Variants in IQCH observed in about 807,000 individuals in gnomAD.
IQCH encodes the protein IQ motif containing H.
IQCH carries 98 observed loss-of-function variants against 117.0 expected under a neutral mutation model. That is an observed-to-expected ratio of 0.84 (90% CI 0.71 to 0.99). The LOEUF (loss-of-function observed/expected upper bound fraction) is 0.99, where lower values mean the gene tolerates loss of function less well. Ranked by LOEUF, IQCH falls within the 50% of genes least tolerant of loss-of-function variation. The probability of loss-of-function intolerance (pLI) is 0.00; values close to 1 mark genes in which losing one functional copy is unlikely to be tolerated. For synonymous variants in IQCH, 412 were observed against 448.2 expected, an observed-to-expected ratio of 0.92 and a Z score of 1.02; for missense variants, 1,102 against 1,243.8, an observed-to-expected ratio of 0.89 and a Z score of 1.72.
In IQCH at chr15:67,408,067, C is replaced by G. The variant is rs2140885535; in HGVS notation, c.2097+7762C>G. ...GTGAGGCGCTATCGCCGCTTCAGCT[C>G]CAGGGTTGGCGGCCATATGGATCCC... On this transcript the variant is annotated intron_variant, in intron 14 of 20. Transcript: ENST00000335894. The surrounding 1 kb of genome is among the most constrained non-coding windows in gnomAD (Gnocchi z 4.2). The G allele has an allele frequency of 6.6e-6, 1 of 152,330 alleles. No individual in the cohort carries two copies. Among genetic ancestry groups the G allele is most frequent in the East Asian group, 1.9e-4 (1 of 5,190 alleles). 9.4% of individuals were successfully genotyped at this position (152,330 alleles called of 1,614,324 possible).
intron 13 of IQCH, among the ~76,000 whole-genome samples, chr15:67,397,307 AT>A (rs1209281145): frequency 6.6e-6 from 1 of 152,222 alleles, no homozygotes; most frequent in Non-Finnish European, 1.5e-5. Flanking sequence ...ATGCAGGCAC[AT>A]TTAATGCAGT....
Position 67,261,397 on chromosome 15 carries a change from A to C in IQCH, c.174+3A>C, listed in dbSNP as rs776238090. The stretch of plus-strand genomic sequence containing the variant: ...AAAGGACTGAAGTGGGGTTAAGAGT[A>C]AGTAGAGCTTTAGATATTAAAATAC... On this transcript the variant is annotated splice_donor_region_variant and intron_variant, in intron 2 of 20. Coordinates refer to ENST00000335894, the MANE Select transcript of IQCH (RefSeq NM_001031715.3). 1 of 1,582,800 alleles carries C rather than the reference A, an allele frequency of 6.3e-7. No individual in the cohort carries two copies. The highest frequency in any genetic ancestry group is 8.5e-7 in the Non-Finnish European group (1 of 1,170,748).
At chr15:67,428,228 CTT>C (rs1490558426) in intron 16 of IQCH, among the ~76,000 whole-genome samples, 2 of 151,942 alleles carry the variant, frequency 1.3e-5, no homozygotes, top group Admixed American at 6.5e-5. Context: ...TAACAGGAAA[CTT>C]TATAGAATAG....
chr15:67,453,638 G>A lies in IQCH; in HGVS notation c.2506-11489G>A, dbSNP rs543570883. ...TGTAAGGTGTCAGTCCGCCCCTACTGGGGGGTGCCTCCCAGTTAGGCTACT... is the reference window on the plus strand; with the variant it reads ...TGTAAGGTGTCAGTCCGCCCCTACTAGGGGGTGCCTCCCAGTTAGGCTACT... On this transcript the variant is annotated intron_variant, in intron 16 of 20. Transcript: ENST00000335894. The surrounding 1 kb of genome is among the most constrained non-coding windows in gnomAD (Gnocchi z 5.8). Among the ~76,000 whole-genome samples, 46 of 152,290 alleles carry A rather than the reference G, an allele frequency of 3.0e-4. No individual in the cohort carries two copies. Among genetic ancestry groups the A allele is most frequent in the African/African-American group, 1.0e-3 (42 of 41,566 alleles).
chr15:67,481,535 G>T lies in IQCH; in HGVS notation c.2799+5717G>T, dbSNP rs568732488. Among the ~76,000 whole-genome samples the T allele has an allele frequency of 1.1e-3, 168 of 152,200 alleles. No individual in the cohort carries two copies. Among genetic ancestry groups the T allele is most frequent in the Admixed American group, 2.5e-3 (39 of 15,298 alleles). On this transcript the variant is annotated intron_variant, in intron 18 of 20. Coordinates refer to ENST00000335894, the MANE Select transcript of IQCH (RefSeq NM_001031715.3). This position sits in a 1 kb window ranked among gnomAD's most constrained non-coding sequence, Gnocchi z 4.1. ...GAGAACTACATTAAAAATAAAATTT[G>T]GGTGGGGACACAGCCAAACCATATC... is the stretch of plus-strand genomic sequence containing the variant.
At position 67,359,813 on chromosome 15, in the gene IQCH, T is replaced by C; in HGVS notation, c.715-34T>C. ...TTGTAAAATTGCCCATGAGAGTCGTTTTGATTTAAACTGTGTCTCATTCTT... is the reference window on the plus strand; with the variant it reads ...TTGTAAAATTGCCCATGAGAGTCGTCTTGATTTAAACTGTGTCTCATTCTT... On this transcript the variant is annotated intron_variant, in intron 7 of 20. Transcript: ENST00000335894. The surrounding 1 kb of genome is among the most constrained non-coding windows in gnomAD (Gnocchi z 4.5). 9.2e-7 allele frequency: 1 copy of C among 1,090,848 alleles called. No homozygotes were observed. Among genetic ancestry groups the C allele is most frequent in the Non-Finnish European group, 1.4e-6 (1 of 736,860 alleles). The allele number at this position is 1,090,848 out of a possible 1,614,324, so 67.6% of individuals were successfully genotyped here.
At chr15:67,409,123 AGTAGT>A (rs2081378596) in intron 14 of IQCH, among the ~76,000 whole-genome samples, 1 of 152,068 alleles carries the variant, frequency 6.6e-6, no homozygotes. Flanking sequence ...TAATTCTGGG[AGTAGT>A]GTAAACAACT....
At position 67,387,564 on chromosome 15, in the gene IQCH, C is replaced by T. The variant is rs368960270; in HGVS notation, c.1457-1267C>T. On this transcript the variant is annotated intron_variant, in intron 11 of 20. Coordinates refer to ENST00000335894, the MANE Select transcript of IQCH (RefSeq NM_001031715.3). The surrounding 1 kb of genome is among the most constrained non-coding windows in gnomAD (Gnocchi z 4.8). ...CAGAGAACACTACTTCATGTTAAAT[C>T]TTGCACTGATCAAAAGGAATGTAGG... Among the ~76,000 whole-genome samples, 22 of 152,196 alleles carry T rather than the reference C, an allele frequency of 1.4e-4. No individual in the cohort carries two copies. The highest frequency in any genetic ancestry group is 5.3e-4 in the African/African-American group (22 of 41,528).
At chr15:67,305,875 A>G (rs549910916) in intron 4 of IQCH, among the ~76,000 whole-genome samples, 7 of 152,104 alleles carry the variant, frequency 4.6e-5, no homozygotes, top group Admixed American at 6.6e-5. Flanking sequence ...TATTTTTCCA[A>G]TTTCCAAATA....
chr15:67,270,911 TG>T (rs1965870327), intron 3 of IQCH, among the ~76,000 whole-genome samples: 2 of 152,224 alleles, frequency 1.3e-5, no homozygotes, highest in Non-Finnish European at 2.9e-5. Context: ...TTTTTGTTCT[TG>T]ATTCTGTTAA....
rs1456936694 is a variant in IQCH, at chr15:67,481,819, G to A, written c.2799+6001G>A. On this transcript the variant is annotated intron_variant, in intron 18 of 20. Coordinates refer to ENST00000335894, the MANE Select transcript of IQCH (RefSeq NM_001031715.3). The surrounding 1 kb of genome is among the most constrained non-coding windows in gnomAD (Gnocchi z 4.1). ...TTAGAAACCAACTAAGTTCTTGAAA[G>A]AACTCAACATCAAGAGAAATCTCAG... Among the ~76,000 whole-genome samples, 1 of 152,226 alleles carries A rather than the reference G, an allele frequency of 6.6e-6. No individual in the cohort carries two copies. Among genetic ancestry groups the A allele is most frequent in the Non-Finnish European group, 1.5e-5 (1 of 68,034 alleles).
At position 67,490,274 on chromosome 15, in the gene IQCH, CA is replaced by C. The variant is rs1433222137; in HGVS notation, c.2861+211del. On this transcript the variant is annotated intron_variant, in intron 19 of 20. Transcript: ENST00000335894. This position sits in a 1 kb window ranked among gnomAD's most constrained non-coding sequence, Gnocchi z 4.9. ...AGGCTGGAGTGCAGTGGCGCGATCT[CA>C]GCTCACTGCAACCTCCACCTCCCGG... Among the ~76,000 whole-genome samples, 2 of 152,096 alleles carry C rather than the reference CA, an allele frequency of 1.3e-5. No individual in the cohort carries two copies. Among genetic ancestry groups the C allele is most frequent in the Non-Finnish European group, 2.9e-5 (2 of 68,010 alleles).
At chr15:67,271,254 C>A (rs1414118464) in intron 3 of IQCH, among the ~76,000 whole-genome samples, 2 of 152,216 alleles carry the variant, frequency 1.3e-5, no homozygotes, top group African/African-American at 4.8e-5. Context: ...AGGTGTGAGC[C>A]ACCACGCCCA....
At chr15:67,309,808 T>C (rs1967495354) in intron 4 of IQCH, among the ~76,000 whole-genome samples, 1 of 151,460 alleles carries the variant, frequency 6.6e-6, no homozygotes, top group Non-Finnish European at 1.5e-5. Context: ...TAGATCAAAG[T>C]TTGGGTCCTA....
At chr15:67,498,273 C>G (rs1001032130) in intron 20 of IQCH, among the ~76,000 whole-genome samples, 1 of 152,014 alleles carries the variant, frequency 6.6e-6, no homozygotes, top group African/African-American at 2.4e-5. Flanking sequence ...AAATAAATGG[C>G]ACATGCAAAT....
intron 6 of IQCH, among the ~76,000 whole-genome samples, chr15:67,352,751 T>C (rs1969719696): frequency 6.6e-6 from 1 of 152,138 alleles, no homozygotes; most frequent in East Asian, 1.9e-4. Context: ...TACAGGTTCA[T>C]TGTGATGCAT....
In IQCH at chr15:67,463,897, T is replaced by C. The variant is rs1567210071; in HGVS notation, c.2506-1230T>C. Among the ~76,000 whole-genome samples, 1 of 152,160 alleles carries C rather than the reference T, an allele frequency of 6.6e-6. No homozygotes were observed. On this transcript the variant is annotated intron_variant, in intron 16 of 20. Coordinates refer to ENST00000335894, the MANE Select transcript of IQCH (RefSeq NM_001031715.3). This position sits in a 1 kb window ranked among gnomAD's most constrained non-coding sequence, Gnocchi z 4.0. ...TCACTCTGCCACCCAGGCTGGACTG[T>C]AGTGGTCTGATCTCGGCTCACTGAA...
chr15:67,353,625 G>A (rs1228041309), intron 6 of IQCH, among the ~76,000 whole-genome samples: 2 of 152,070 alleles, frequency 1.3e-5, no homozygotes, highest in Non-Finnish European at 2.9e-5. Flanking sequence ...CTCCCAAAAT[G>A]TGGGATTACA....
At chr15:67,274,293 A>G (rs1314700354) in intron 3 of IQCH, among the ~76,000 whole-genome samples, 1 of 152,162 alleles carries the variant, frequency 6.6e-6, no homozygotes, top group Non-Finnish European at 1.5e-5. Flanking sequence ...TTGAACATCA[A>G]TAATTTTTAG....
Sources: allele counts gnomAD v4.1 joint callset (sites outside exome capture counted in the v4.1 genomes callset), GRCh38; gene constraint gnomAD v4.1.1; non-coding constraint Gnocchi (gnomAD v3.1); transcripts MANE v1.5; gene names NCBI Gene and HGNC (gene_info 2026-07-23, HGNC 2026-07-21).